The following OTUD7A variants were observed in gnomAD, a reference collection of about 807,000 sequenced individuals.
OTUD7A encodes OTU deubiquitinase 7A.
In OTUD7A, 12 loss-of-function variants were observed where a neutral mutation model predicts 65.7. The observed-to-expected ratio is 0.18, with a 90% CI of 0.12 to 0.30. The LOEUF is 0.30. Ranked by LOEUF, OTUD7A falls within the 10% of genes least tolerant of loss-of-function variation. The probability of loss-of-function intolerance (pLI) is 1.00; values close to 1 mark genes in which losing one functional copy is unlikely to be tolerated. For missense variants in OTUD7A, 1,148 were observed against 1,304.8 expected (o/e 0.88, Z 1.85); for synonymous variants, 641 against 586.3 (o/e 1.09, Z -1.35).
intron 1 of OTUD7A, among the ~76,000 whole-genome samples, chr15:31,741,690 A>G (rs1165573490): frequency 6.6e-6 from 1 of 152,130 alleles, no homozygotes; most frequent in African/African-American, 2.4e-5. Context: ...CCATAGACAG[A>G]GAAAGTTTTA....
intron 1 of OTUD7A, among the ~76,000 whole-genome samples, chr15:31,739,598 T>C (rs1165099199): frequency 6.6e-6 from 1 of 152,074 alleles, no homozygotes; most frequent in East Asian, 1.9e-4. Context: ...GCTCACCATA[T>C]CTTTTTTTTT....
chr15:31,798,820 G>T (rs1015358198), intron 1 of OTUD7A, among the ~76,000 whole-genome samples: 1 of 152,224 alleles, frequency 6.6e-6, no homozygotes, highest in Admixed American at 6.5e-5. Flanking sequence ...TTGGGGGGGG[G>T]CTCCTGTCAT....
At chr15:31,816,411 C>T (rs895337994) in intron 1 of OTUD7A, among the ~76,000 whole-genome samples, 1 of 152,164 alleles carries the variant, frequency 6.6e-6, no homozygotes, top group Non-Finnish European at 1.5e-5. Flanking sequence ...AATCACATGG[C>T]TGGGCACGGT....
chr15:31,824,456 A>G (rs949666087), intron 1 of OTUD7A, among the ~76,000 whole-genome samples: 3 of 152,264 alleles, frequency 2.0e-5, no homozygotes, highest in Non-Finnish European at 4.4e-5. Context: ...AGGAAAGACA[A>G]GACAGCCAAA....
chr15:31,493,489 TA>T (rs1180399214), intron 10 of OTUD7A, among the ~76,000 whole-genome samples: 1 of 152,232 alleles, frequency 6.6e-6, no homozygotes, highest in Non-Finnish European at 1.5e-5. Flanking sequence ...CAGAAACCAG[TA>T]AGGATATAGA....
chr15:31,720,590 T>C (rs1175284995), intron 1 of OTUD7A, among the ~76,000 whole-genome samples: 5 of 152,052 alleles, frequency 3.3e-5, no homozygotes, highest in African/African-American at 7.2e-5. Context: ...TTAGTAGAGA[T>C]GGGGTTTCAC....
At chr15:31,571,377 G>A (rs1284008483) in intron 3 of OTUD7A, among the ~76,000 whole-genome samples, 2 of 152,172 alleles carry the variant, frequency 1.3e-5, no homozygotes, top group Non-Finnish European at 1.5e-5. Context: ...AGAGGCCCAT[G>A]GTGAAACCTG....
In OTUD7A at chr15:31,487,428, G is replaced by T; in HGVS notation, c.1286+24C>A. On this transcript the variant is annotated intron_variant, in intron 11 of 12. Coordinates refer to ENST00000307050, the MANE Select transcript of OTUD7A (RefSeq NM_001382637.1). This position sits in a 1 kb window ranked among gnomAD's most constrained non-coding sequence, Gnocchi z 6.0. Reference sequence around the variant, plus strand: ...CATAGCCCTCCCTGTGGGCGCTGGGGAAAGGGACAGAGTAGGATCTTACTG... The same window carrying T: ...CATAGCCCTCCCTGTGGGCGCTGGGTAAAGGGACAGAGTAGGATCTTACTG... 6.2e-7 allele frequency: 1 copy of T among 1,610,264 alleles called. No individual in the cohort carries two copies. Among genetic ancestry groups the T allele is most frequent in the East Asian group, 2.2e-5 (1 of 44,764 alleles).
At chr15:31,649,843 G>C (rs1408108463) in intron 3 of OTUD7A, 2 of 379,532 alleles carry the variant, frequency 5.3e-6, no homozygotes, top group Admixed American at 2.6e-5. Context: ...ATGCAGAAAG[G>C]AGACCACAGT....
At chr15:31,660,760 A>G (rs1443733918) in intron 1 of OTUD7A, among the ~76,000 whole-genome samples, 2 of 152,232 alleles carry the variant, frequency 1.3e-5, no homozygotes, top group African/African-American at 2.4e-5. Flanking sequence ...GGCTATAGGA[A>G]TGTCTGTGGG....
At chr15:31,753,704 A>ATATATATATATATAATATATATATATAT (rs1894714233) in intron 1 of OTUD7A, among the ~76,000 whole-genome samples, 1 of 15,300 alleles carries the variant, frequency 6.5e-5, no homozygotes, top group East Asian at 9.6e-4. Flanking sequence ...TATATATATT[A>ATATATATATATATAATATATATATATAT]TATATATATA....
chr15:31,766,129 C>G (rs552643924), intron 1 of OTUD7A: 1 of 1,447,578 alleles, frequency 6.9e-7, no homozygotes, highest in Non-Finnish European at 9.7e-7. Context: ...TAAGAGGGTA[C>G]TTGAAGAATT....
At chr15:31,488,719 A>G (rs753466918) in intron 10 of OTUD7A, among the ~76,000 whole-genome samples, 1 of 152,222 alleles carries the variant, frequency 6.6e-6, no homozygotes, top group South Asian at 2.1e-4. Flanking sequence ...CTGAACACCA[A>G]TAGTTGATTT....
intron 10 of OTUD7A, among the ~76,000 whole-genome samples, chr15:31,501,359 G>GT (rs923756635): frequency 6.6e-6 from 1 of 152,100 alleles, no homozygotes; most frequent in Non-Finnish European, 1.5e-5. Context: ...TGCTTTTGAA[G>GT]TTTTTTTCCC....
At position 31,651,362 on chromosome 15, in the gene OTUD7A, A is replaced by G. The variant is rs183048945; in HGVS notation, c.151+3734T>C. On this transcript the variant is annotated intron_variant, in intron 3 of 12. Coordinates refer to ENST00000307050, the MANE Select transcript of OTUD7A (RefSeq NM_001382637.1). ...GACCATCTACTAAAACCTATAGCCAACATTCTACTTAATGGTGAAATACTG... is the reference window on the plus strand; with the variant it reads ...GACCATCTACTAAAACCTATAGCCAGCATTCTACTTAATGGTGAAATACTG... Among the ~76,000 whole-genome samples, 616 of 151,856 alleles carry G rather than the reference A, an allele frequency of 4.1e-3. 6 individuals are homozygous for G. Among genetic ancestry groups the G allele is most frequent in the Middle Eastern group, 0.01 (3 of 294 alleles).
intron 3 of OTUD7A, among the ~76,000 whole-genome samples, chr15:31,591,310 G>A (rs886732654): frequency 6.6e-6 from 1 of 152,100 alleles, no homozygotes; most frequent in African/African-American, 2.4e-5. Flanking sequence ...GGATACATGG[G>A]GAAGGGGCAC....
intron 8 of OTUD7A, among the ~76,000 whole-genome samples, chr15:31,504,248 G>C (rs2041521236): frequency 6.6e-6 from 1 of 152,128 alleles, no homozygotes. Flanking sequence ...GGGCACATCT[G>C]ATGGGCTGGT....
intron 1 of OTUD7A, among the ~76,000 whole-genome samples, chr15:31,676,556 T>C (rs1892598759): frequency 6.6e-6 from 1 of 152,240 alleles, no homozygotes; most frequent in African/African-American, 2.4e-5. Flanking sequence ...TGAAGTGATG[T>C]GATACGAGAA....
intron 1 of OTUD7A, among the ~76,000 whole-genome samples, chr15:31,761,511 G>A (rs1894962339): frequency 6.6e-6 from 1 of 152,188 alleles, no homozygotes; most frequent in South Asian, 2.1e-4. Context: ...TAATAAGAAA[G>A]ACAAACAATA....
Sources: allele counts gnomAD v4.1 joint callset (sites outside exome capture counted in the v4.1 genomes callset), GRCh38; gene constraint gnomAD v4.1.1; non-coding constraint Gnocchi (gnomAD v3.1); transcripts MANE v1.5; gene names NCBI Gene and HGNC (gene_info 2026-07-23, HGNC 2026-07-21).